Variants in ATCAY observed in about 807,000 individuals in gnomAD.
The protein encoded by ATCAY is ATCAY kinesin light chain interacting caytaxin.
ATCAY carries 22 observed loss-of-function variants against 47.7 expected under a neutral mutation model. That is an observed-to-expected ratio of 0.46 (90% CI 0.33 to 0.66). The LOEUF (loss-of-function observed/expected upper bound fraction) is 0.66, where lower values mean the gene tolerates loss of function less well. Ranked by LOEUF, ATCAY falls within the 30% of genes least tolerant of loss-of-function variation. The pLI is 0.02. For missense variants in ATCAY, 452 were observed against 515.0 expected (o/e 0.88, Z 1.18); for synonymous variants, 216 against 207.6 (o/e 1.04, Z -0.35).
intron 1 of ATCAY, among the ~76,000 whole-genome samples, chr19:3,882,637 CTTATTTTATT>C (rs1158315470): frequency 6.7e-6 from 1 of 150,244 alleles, no homozygotes; most frequent in Admixed American, 6.7e-5. Context: ...AGCCAGATGC[CTTATTTTATT>C]TTATTTTATT....
rs2038822897 is a variant in ATCAY, at chr19:3,902,381, G to A, written c.78-106G>A. The A allele has an allele frequency of 2.1e-5, 22 of 1,044,262 alleles. No homozygotes were observed. The South Asian group carries it at 2.9e-4, about 14-fold the overall frequency. The allele number at this position is 1,044,262 out of a possible 1,614,324, so 64.7% of individuals were successfully genotyped here. The stretch of plus-strand genomic sequence containing the variant: ...CCAGAACTAAATGTGTTTTGCTTTT[G>A]TTCTTGTCTGACTCGCCTGGCTGGA... On this transcript the variant is annotated intron_variant, in intron 2 of 12. Coordinates refer to ENST00000450849, the MANE Select transcript of ATCAY (RefSeq NM_033064.5).
chr19:3,897,575 G>A (rs1032789267), intron 2 of ATCAY, among the ~76,000 whole-genome samples: 3 of 151,810 alleles, frequency 2.0e-5, no homozygotes, highest in Non-Finnish European at 2.9e-5. Context: ...GATTACAAGC[G>A]TGTGCCACCT....
At chr19:3,910,299 CTGCATAA>C (rs2145252265) in intron 7 of ATCAY, among the ~76,000 whole-genome samples, 1 of 152,270 alleles carries the variant, frequency 6.6e-6, no homozygotes, top group South Asian at 2.1e-4. Flanking sequence ...CTTTTCATGG[CTGCATAA>C]TATTCCACTG....
chr19:3,885,987 C>T (rs1408592299), intron 2 of ATCAY, 143 bp downstream of exon 2: 5 of 781,220 alleles, frequency 6.4e-6, no homozygotes, highest in African/African-American at 1.7e-5. Context: ...CTCTCCCGCA[C>T]ACTCTGGGAG....
At chr19:3,909,720 A>G in intron 7 of ATCAY, 103 bp downstream of exon 7, 2 of 1,467,270 alleles carry the variant, frequency 1.4e-6, no homozygotes. Context: ...CGGGAGGCTG[A>G]GGTGGGAAGG....
At chr19:3,892,450 C>T (rs1010416288) in intron 2 of ATCAY, among the ~76,000 whole-genome samples, 1 of 152,156 alleles carries the variant, frequency 6.6e-6, no homozygotes, top group African/African-American at 2.4e-5. Flanking sequence ...ATCCTCCCAC[C>T]TCAGCCTCCC....
chr19:3,896,358 C>T (rs1325901639), intron 2 of ATCAY, among the ~76,000 whole-genome samples: 1 of 151,854 alleles, frequency 6.6e-6, no homozygotes, highest in East Asian at 1.9e-4. Context: ...ACCTCCACCT[C>T]CCGGGTTCAA....
chr19:3,910,723 GC>G, intron 7 of ATCAY, 79 bp from the exon 8 acceptor site: 6 of 1,407,396 alleles, frequency 4.3e-6, no homozygotes, highest in Non-Finnish European at 6.0e-6. Flanking sequence ...CTTGCTTGTG[GC>G]TCTCCCGTCC....
chr19:3,886,364 G>A (rs1237567625), intron 2 of ATCAY, among the ~76,000 whole-genome samples: 1 of 152,086 alleles, frequency 6.6e-6, no homozygotes, highest in Non-Finnish European at 1.5e-5. Flanking sequence ...AGGCCGAGGC[G>A]GGCGGATCAT....
chr19:3,897,596 CA>C, intron 2 of ATCAY, among the ~76,000 whole-genome samples: 1 of 151,886 alleles, frequency 6.6e-6, no homozygotes, highest in Admixed American at 6.6e-5. Flanking sequence ...CATGCCCAGC[CA>C]AAGCTTGCTT....
At chr19:3,881,875 C>A (rs370483833) in intron 1 of ATCAY, among the ~76,000 whole-genome samples, 2 of 146,012 alleles carry the variant, frequency 1.4e-5, no homozygotes, top group Admixed American at 6.8e-5. Context: ...CGCCCCCCCC[C>A]CGACCCCATA....
At position 3,885,741 on chromosome 19, in the gene ATCAY, T is replaced by G. The variant is rs942528475; in HGVS notation, c.-27T>G. ...CTTCCTTTCAGGGGTCATCCCTGCT[T>G]CAAGCCAGTGCCTCTTCCCAGCTCC... On this transcript the variant is annotated 5_prime_UTR_variant, in exon 2 of 13. Transcript: ENST00000450849. 5 of 1,548,396 alleles carry G rather than the reference T, an allele frequency of 3.2e-6. No homozygotes were observed. In the African/African-American group the frequency reaches 5.5e-5, roughly 17 times the overall value.
In ATCAY at chr19:3,926,403, C is replaced by A. The variant is rs1234833044; in HGVS notation, c.*1811C>A. The A allele has an allele frequency of 1.3e-5, 2 of 152,242 alleles. No individual in the cohort carries two copies. Among genetic ancestry groups the A allele is most frequent in the Non-Finnish European group, 2.9e-5 (2 of 68,060 alleles). 9.4% of individuals were successfully genotyped at this position (152,242 alleles called of 1,614,324 possible). On this transcript the variant is annotated 3_prime_UTR_variant, in exon 13 of 13. Coordinates refer to ENST00000450849, the MANE Select transcript of ATCAY (RefSeq NM_033064.5). ...ATGTCTTCATGTCTATCAGTCTGAG[C>A]AGACGGTGAGTAGGGCGGGCACATT...
chr19:3,881,866 G>C (rs8103950), intron 1 of ATCAY, among the ~76,000 whole-genome samples: 13,850 of 116,662 alleles, frequency 0.12, 1,419 homozygotes, highest in African/African-American at 0.26. Context: ...TGCTGCCACC[G>C]CCCCCCCCCC....
chr19:3,890,913 C>A (rs899278588), intron 2 of ATCAY, among the ~76,000 whole-genome samples: 1 of 152,194 alleles, frequency 6.6e-6, no homozygotes, highest in Admixed American at 6.6e-5. Flanking sequence ...CACATAACCA[C>A]CTCTGTCTGC....
At chr19:3,919,236 C>T (rs1599148240) in intron 11 of ATCAY, among the ~76,000 whole-genome samples, 1 of 151,750 alleles carries the variant, frequency 6.6e-6, no homozygotes, top group African/African-American at 2.4e-5. Context: ...CGAGATAGTA[C>T]CACTGCACTC....
chr19:3,924,692 G>T lies in ATCAY; in HGVS notation c.*100G>T. ...CCCAGATCTCATCCTGCCTCATCCT[G>T]AGTCCCAATCTTCCAAGGGTGCCAG... On this transcript the variant is annotated 3_prime_UTR_variant, in exon 13 of 13. Transcript: ENST00000450849. 1 of 1,352,570 alleles carries T rather than the reference G, an allele frequency of 7.4e-7. No individual in the cohort carries two copies. 83.8% of individuals were successfully genotyped at this position (1,352,570 alleles called of 1,614,324 possible).
At chr19:3,905,190 T>A (rs560338385) in intron 3 of ATCAY, among the ~76,000 whole-genome samples, 35 of 152,210 alleles carry the variant, frequency 2.3e-4, no homozygotes, top group Non-Finnish European at 4.0e-4. Flanking sequence ...GTCTGCCCAA[T>A]GTCCAAGCAT....
intron 11 of ATCAY, among the ~76,000 whole-genome samples, chr19:3,919,249 C>T (rs933707192): frequency 1.3e-5 from 2 of 148,386 alleles, no homozygotes; most frequent in South Asian, 2.2e-4. Flanking sequence ...CTGCACTCGG[C>T]GACAAAGTGA....
Sources: gnomAD v4.1 joint callset for allele counts (sites outside exome capture counted in the v4.1 genomes callset) on GRCh38, gnomAD v4.1.1 for gene constraint, MANE v1.5 for transcripts, NCBI Gene and HGNC (gene_info 2026-07-23, HGNC 2026-07-21) for gene names.